Variants in MGAT4C observed in about 807,000 individuals in gnomAD.
The protein encoded by MGAT4C is MGAT4 family member C.
Under a neutral mutation model 40.1 loss-of-function variants are expected in MGAT4C, and 19 were observed. The ratio of observed to expected loss-of-function variants is 0.47; its 90% CI spans 0.33 to 0.70. MGAT4C has a LOEUF of 0.70. Among genes scored for constraint, MGAT4C ranks in the 30% least tolerant of loss-of-function variants. The pLI, the probability that MGAT4C is intolerant of heterozygous loss-of-function variation, is 0.02. For missense variants in MGAT4C, 491 were observed against 563.2 expected (o/e 0.87, Z 1.30); for synonymous variants, 181 against 187.1 (o/e 0.97, Z 0.27).
chr12:86,415,292 G>C (rs1296777520), intron 3 of MGAT4C, among the ~76,000 whole-genome samples: 2 of 151,980 alleles, frequency 1.3e-5, no homozygotes, highest in African/African-American at 4.8e-5. Context: ...ATGGATATAA[G>C]ACTTTATTTC....
chr12:86,058,977 C>G (rs957015235), intron 1 of MGAT4C, among the ~76,000 whole-genome samples: 1 of 152,066 alleles, frequency 6.6e-6, no homozygotes, highest in African/African-American at 2.4e-5. Flanking sequence ...ACACCAACAT[C>G]TTATTCAATT....
At chr12:86,505,455 C>T (rs886441794) in intron 2 of MGAT4C, among the ~76,000 whole-genome samples, 3 of 152,052 alleles carry the variant, frequency 2.0e-5, no homozygotes, top group African/African-American at 7.2e-5. Flanking sequence ...GTCAGGCCCA[C>T]CTAAAATTCT....
chr12:86,136,663 C>T (rs545796209), intron 1 of MGAT4C, among the ~76,000 whole-genome samples: 5 of 152,138 alleles, frequency 3.3e-5, no homozygotes, highest in South Asian at 4.2e-4. Context: ...ATTCTCTTAT[C>T]CACTCATATC....
intron 2 of MGAT4C, among the ~76,000 whole-genome samples, chr12:86,508,270 C>T (rs1958507484): frequency 6.6e-6 from 1 of 151,998 alleles, no homozygotes; most frequent in African/African-American, 2.4e-5. Context: ...CAAGTGTTCT[C>T]ATTGTTCAAT....
chr12:86,392,702 C>T (rs977495731), intron 3 of MGAT4C, among the ~76,000 whole-genome samples: 3 of 152,174 alleles, frequency 2.0e-5, no homozygotes, highest in Non-Finnish European at 4.4e-5. Flanking sequence ...TCAAATTCTT[C>T]ACAATCTGAC....
intron 1 of MGAT4C, among the ~76,000 whole-genome samples, chr12:86,244,080 G>T (rs774219650): frequency 5.3e-5 from 8 of 152,140 alleles, no homozygotes; most frequent in Non-Finnish European, 1.0e-4. Flanking sequence ...AAATGCAAGA[G>T]AAATGCTTAT....
chr12:86,295,988 G>A (rs1424141197), intron 4 of MGAT4C, among the ~76,000 whole-genome samples: 2 of 139,100 alleles, frequency 1.4e-5, no homozygotes, highest in Non-Finnish European at 3.0e-5. Flanking sequence ...GTCAATTGGT[G>A]CACTCACAAA....
At chr12:86,433,726 T>C (rs981848701) in intron 3 of MGAT4C, among the ~76,000 whole-genome samples, 5 of 151,968 alleles carry the variant, frequency 3.3e-5, no homozygotes, top group Non-Finnish European at 4.4e-5. Context: ...ACGGCATTGC[T>C]AAAGTTTTTT....
At chr12:85,982,145 A>C (rs944908565) in intron 4 of MGAT4C, among the ~76,000 whole-genome samples, 1 of 152,148 alleles carries the variant, frequency 6.6e-6, no homozygotes, top group Non-Finnish European at 1.5e-5. Context: ...TCATGATAGC[A>C]CTGTATTTTA....
chr12:86,160,672 G>C (rs1421738101), intron 1 of MGAT4C, among the ~76,000 whole-genome samples: 1 of 152,026 alleles, frequency 6.6e-6, no homozygotes, highest in Non-Finnish European at 1.5e-5. Context: ...TGTCAGTGGA[G>C]TGCTAAAGTC....
chr12:86,039,078 T>C (rs1412422725), intron 2 of MGAT4C, among the ~76,000 whole-genome samples: 1 of 133,232 alleles, frequency 7.5e-6, no homozygotes, highest in African/African-American at 2.5e-5. Flanking sequence ...TTCTGTCTTG[T>C]AGGGTTTCAC....
chr12:86,622,447 C>A (rs551639963), intron 2 of MGAT4C, among the ~76,000 whole-genome samples: 4 of 152,002 alleles, frequency 2.6e-5, no homozygotes, highest in African/African-American at 4.8e-5. Context: ...GTGAAAAAAA[C>A]CTAAGAGTTC....
At chr12:86,070,139 T>C (rs1364381660) in intron 1 of MGAT4C, among the ~76,000 whole-genome samples, 1 of 151,744 alleles carries the variant, frequency 6.6e-6, no homozygotes, top group Admixed American at 6.6e-5. Context: ...AATATTCCCA[T>C]GGTTCTAACA....
chr12:86,037,778 T>G (rs1461648545), intron 2 of MGAT4C, among the ~76,000 whole-genome samples: 4 of 149,696 alleles, frequency 2.7e-5, no homozygotes, highest in African/African-American at 9.7e-5. Context: ...TGATTTGGGG[T>G]GGAGAGTTCT....
intron 1 of MGAT4C, among the ~76,000 whole-genome samples, chr12:86,829,140 T>C (rs2254438): frequency 0.033 from 5,053 of 151,612 alleles, 129 homozygotes; most frequent in Non-Finnish European, 0.05. Flanking sequence ...CATTCTTAGT[T>C]TGCCTTAATT....
intron 3 of MGAT4C, among the ~76,000 whole-genome samples, chr12:86,412,162 T>C (rs974939907): frequency 2.0e-5 from 3 of 152,176 alleles, no homozygotes; most frequent in Admixed American, 2.0e-4. Flanking sequence ...ACCAGGGCAG[T>C]GCAGAGGGAA....
chr12:86,104,576 A>C (rs1875792220), intron 1 of MGAT4C, among the ~76,000 whole-genome samples: 1 of 152,210 alleles, frequency 6.6e-6, no homozygotes, highest in Admixed American at 6.5e-5. Context: ...GCTGGAAGAA[A>C]AAGATAACTT....
chr12:86,701,579 C>T (rs1056777588), intron 2 of MGAT4C, among the ~76,000 whole-genome samples: 1 of 152,066 alleles, frequency 6.6e-6, no homozygotes, highest in Admixed American at 6.6e-5. Flanking sequence ...TAGTACTTGA[C>T]ATACAACAAT....
chr12:86,208,191 C>A (rs112679336), intron 1 of MGAT4C, among the ~76,000 whole-genome samples: 1 of 152,272 alleles, frequency 6.6e-6, no homozygotes, highest in African/African-American at 2.4e-5. Context: ...TCAAGCTGGG[C>A]GCAGTGGCTT....
Sources: gnomAD v4.1 joint callset for allele counts (sites outside exome capture counted in the v4.1 genomes callset) on GRCh38, gnomAD v4.1.1 for gene constraint, MANE v1.5 for transcripts, NCBI Gene and HGNC (gene_info 2026-07-23, HGNC 2026-07-21) for gene names.